GPC5: variants seen among roughly 807,000 people sequenced by gnomAD.
GPC5 encodes the protein glypican 5.
Under a neutral mutation model 53.9 loss-of-function variants are expected in GPC5, and 47 were observed. The ratio of observed to expected loss-of-function variants is 0.87; its 90% CI spans 0.69 to 1.11. The LOEUF (loss-of-function observed/expected upper bound fraction) is 1.11, where lower values mean the gene tolerates loss of function less well. GPC5 is among the 50% of genes most tolerant of loss of function. The probability of loss-of-function intolerance (pLI) is 0.00; values close to 1 mark genes in which losing one functional copy is unlikely to be tolerated. For synonymous variants in GPC5, 286 were observed against 263.3 expected, an observed-to-expected ratio of 1.09 and a Z score of -0.84; for missense variants, 748 against 713.1, an observed-to-expected ratio of 1.05 and a Z score of -0.56.
intron 2 of GPC5, among the ~76,000 whole-genome samples, chr13:91,683,179 G>A (rs1197971115): frequency 6.6e-6 from 1 of 152,002 alleles, no homozygotes; most frequent in Admixed American, 6.6e-5. Flanking sequence ...ATGAATACAC[G>A]CAGAAGACAA....
At position 91,752,351 on chromosome 13, in the gene GPC5, C is replaced by T. The variant is rs1172615712; in HGVS notation, c.1155-3944C>T. ...CCTCCAGCCTCAGCCTCTCAAAGTG[C>T]TGGGATTATAGGCGTGAGCCACCAC... On this transcript the variant is annotated intron_variant, in intron 4 of 7. Coordinates refer to ENST00000377067, the MANE Select transcript of GPC5 (RefSeq NM_004466.6). Among the ~76,000 whole-genome samples, 7 of 152,160 alleles carry T rather than the reference C, an allele frequency of 4.6e-5. No individual in the cohort carries two copies. In the East Asian group the frequency reaches 1.3e-3, roughly 29 times the overall value.
intron 2 of GPC5, among the ~76,000 whole-genome samples, chr13:91,561,087 C>T (rs749505602): frequency 1.3e-5 from 2 of 152,164 alleles, no homozygotes; most frequent in Non-Finnish European, 2.9e-5. Flanking sequence ...CCTGGAGACC[C>T]TCCAAATTCC....
chr13:92,265,020 G>A (rs1038539372), intron 7 of GPC5, among the ~76,000 whole-genome samples: 1 of 151,572 alleles, frequency 6.6e-6, no homozygotes, highest in Non-Finnish European at 1.5e-5. Flanking sequence ...GGTCCCATGA[G>A]CACCTTTCTG....
chr13:92,112,251 G>T (rs1220684025), intron 6 of GPC5, among the ~76,000 whole-genome samples: 1 of 151,938 alleles, frequency 6.6e-6, no homozygotes, highest in African/African-American at 2.4e-5. Context: ...AGCCTATAAG[G>T]CATAACTGAA....
intron 7 of GPC5, among the ~76,000 whole-genome samples, chr13:92,587,674 TA>T (rs1883581401): frequency 6.6e-6 from 1 of 152,130 alleles, no homozygotes; most frequent in African/African-American, 2.4e-5. Context: ...TATGATTTGC[TA>T]ACAAAAGAAA....
At chr13:92,158,936 C>G (rs2139002954) in intron 7 of GPC5, among the ~76,000 whole-genome samples, 1 of 152,258 alleles carries the variant, frequency 6.6e-6, no homozygotes, top group Non-Finnish European at 1.5e-5. Flanking sequence ...TGAAGGCACC[C>G]AGATGCTTTT....
chr13:92,102,035 G>C (rs766791935), intron 6 of GPC5, among the ~76,000 whole-genome samples: 8 of 152,280 alleles, frequency 5.3e-5, no homozygotes, highest in Non-Finnish European at 8.8e-5. Flanking sequence ...GGAGAATGGA[G>C]CAGATAAGGT....
rs560054056 is a variant in GPC5 at position 92,743,990 on chromosome 13, G to A, written c.1562-122292G>A. 3.9e-5 allele frequency among the ~76,000 whole-genome samples: 6 copies of A among 152,158 alleles called. No homozygotes were observed. The South Asian group carries it at 1.2e-3, about 32-fold the overall frequency. On this transcript the variant is annotated intron_variant, in intron 7 of 7. Transcript: ENST00000377067. ...AATTTGCAGTTGATAAATATCCCTG[G>A]CCTCAGTGCAGTGAGTAAAATGGTG...
intron 6 of GPC5, among the ~76,000 whole-genome samples, chr13:92,136,546 T>A (rs1475056309): frequency 1.3e-5 from 2 of 152,248 alleles, no homozygotes; most frequent in African/African-American, 4.8e-5. Context: ...TGTTTACATT[T>A]GAATGGGTGA....
chr13:92,072,058 T>C (rs1394938661), intron 6 of GPC5, among the ~76,000 whole-genome samples: 2 of 146,276 alleles, frequency 1.4e-5, no homozygotes, highest in Non-Finnish European at 3.0e-5. Context: ...ATTCATATAT[T>C]TTATTTATAT....
intron 1 of GPC5, among the ~76,000 whole-genome samples, chr13:91,447,675 G>T (rs1160768064): frequency 6.6e-6 from 1 of 152,090 alleles, no homozygotes. Flanking sequence ...GTTGTTATGT[G>T]CATGCGTCTT....
At chr13:91,904,021 C>T (rs914748494) in intron 5 of GPC5, among the ~76,000 whole-genome samples, 1 of 151,962 alleles carries the variant, frequency 6.6e-6, no homozygotes, top group Non-Finnish European at 1.5e-5. Flanking sequence ...GGCAAACCTA[C>T]AGTCTGCTAG....
intron 2 of GPC5, among the ~76,000 whole-genome samples, chr13:91,626,253 A>G (rs575197610): frequency 6.6e-6 from 1 of 152,298 alleles, no homozygotes; most frequent in African/African-American, 2.4e-5. Context: ...TCAATATCAT[A>G]TATCAGCTTG....
chr13:92,595,474 A>G (rs540631697), intron 7 of GPC5, among the ~76,000 whole-genome samples: 1 of 152,342 alleles, frequency 6.6e-6, no homozygotes, highest in East Asian at 1.9e-4. Context: ...GGAAGTCAAA[A>G]GATAGTATTT....
intron 7 of GPC5, among the ~76,000 whole-genome samples, chr13:92,482,110 A>G (rs908149782): frequency 2.4e-4 from 36 of 151,618 alleles, no homozygotes; most frequent in African/African-American, 8.5e-4. Flanking sequence ...CAGCCTGGGC[A>G]ACAAGGGCAA....
chr13:92,715,617 A>T (rs1263283861), intron 7 of GPC5, among the ~76,000 whole-genome samples: 2 of 152,192 alleles, frequency 1.3e-5, no homozygotes, highest in African/African-American at 4.8e-5. Context: ...TTGGATGTTT[A>T]TACTTACTTT....
At chr13:92,511,431 C>T (rs1014979504) in intron 7 of GPC5, among the ~76,000 whole-genome samples, 2 of 152,132 alleles carry the variant, frequency 1.3e-5, no homozygotes, top group Admixed American at 1.3e-4. Flanking sequence ...TATTTCCTAA[C>T]GGTCATACTT....
At chr13:91,887,777 T>C (rs2039341350) in intron 5 of GPC5, among the ~76,000 whole-genome samples, 1 of 152,190 alleles carries the variant, frequency 6.6e-6, no homozygotes, top group South Asian at 2.1e-4. Flanking sequence ...CATCAGTGTT[T>C]ACATCACTAT....
At chr13:92,264,047 A>G (rs948138137) in intron 7 of GPC5, among the ~76,000 whole-genome samples, 4 of 152,156 alleles carry the variant, frequency 2.6e-5, no homozygotes, top group Non-Finnish European at 5.9e-5. Flanking sequence ...AAAACATCAC[A>G]TTATATCCCA....
Sources: gnomAD v4.1 joint callset for allele counts (sites outside exome capture counted in the v4.1 genomes callset) on GRCh38, gnomAD v4.1.1 for gene constraint, MANE v1.5 for transcripts, NCBI Gene and HGNC (gene_info 2026-07-23, HGNC 2026-07-21) for gene names.